DLGAP4: variants seen among roughly 807,000 people sequenced by gnomAD.
DLGAP4 encodes disks large-associated protein 4.
DLGAP4 carries 18 observed loss-of-function variants against 86.9 expected under a neutral mutation model. The observed-to-expected ratio is 0.21, with a 90% CI of 0.14 to 0.31. The LOEUF (loss-of-function observed/expected upper bound fraction) is 0.31. Ranked by LOEUF, DLGAP4 falls within the 10% of genes least tolerant of loss-of-function variation. DLGAP4 has a pLI of 1.00. For synonymous variants in DLGAP4, 548 were observed against 574.3 expected (o/e 0.95, Z 0.65); for missense variants, 1,085 against 1,362.6 (o/e 0.80, Z 3.21).
chr20:36,411,568 T>A (rs2032499946), intron 2 of DLGAP4, among the ~76,000 whole-genome samples: 1 of 152,190 alleles, frequency 6.6e-6, no homozygotes, highest in African/African-American at 2.4e-5. Flanking sequence ...CACACACCCA[T>A]CATTTCCCAC....
chr20:36,450,616 T>C (rs1280114151), intron 7 of DLGAP4, among the ~76,000 whole-genome samples: 1 of 152,198 alleles, frequency 6.6e-6, no homozygotes, highest in African/African-American at 2.4e-5. Flanking sequence ...AAAAGTCTCA[T>C]CCAATCATGA....
At chr20:36,338,556 G>A (rs2065345496) in intron 1 of DLGAP4, among the ~76,000 whole-genome samples, 2 of 152,162 alleles carry the variant, frequency 1.3e-5, no homozygotes, top group African/African-American at 4.8e-5. Flanking sequence ...TGGGCAAGAA[G>A]AGTGAAACTC....
intron 1 of DLGAP4, among the ~76,000 whole-genome samples, chr20:36,366,226 T>C (rs924535863): frequency 6.6e-6 from 1 of 152,084 alleles, no homozygotes; most frequent in Non-Finnish European, 1.5e-5. Context: ...TTCAAGCAGC[T>C]AATTTTGTAT....
At chr20:36,354,025 G>A (rs566624018) in intron 1 of DLGAP4, among the ~76,000 whole-genome samples, 3 of 152,326 alleles carry the variant, frequency 2.0e-5, no homozygotes, top group Admixed American at 2.0e-4. Flanking sequence ...GACAACTGTG[G>A]AGAACAAAAC....
intron 2 of DLGAP4, among the ~76,000 whole-genome samples, chr20:36,388,597 A>G (rs1406693972): frequency 6.6e-6 from 1 of 152,236 alleles, no homozygotes; most frequent in East Asian, 1.9e-4. Flanking sequence ...AACTTGAGTC[A>G]GACACATTGA....
chr20:36,494,842 A>G (rs1368823478), intron 7 of DLGAP4, among the ~76,000 whole-genome samples: 1 of 152,158 alleles, frequency 6.6e-6, no homozygotes, highest in Non-Finnish European at 1.5e-5. Context: ...GGCCAGGCAC[A>G]GTGGCTCACA....
chr20:36,362,046 CT>C (rs1555894263), intron 1 of DLGAP4, among the ~76,000 whole-genome samples: 1 of 150,298 alleles, frequency 6.7e-6, no homozygotes, highest in African/African-American at 2.5e-5. Context: ...AATCCCAGCA[CT>C]TTGGGAGACT....
At chr20:36,471,193 A>G (rs1022894104) in intron 7 of DLGAP4, among the ~76,000 whole-genome samples, 2 of 152,100 alleles carry the variant, frequency 1.3e-5, no homozygotes, top group African/African-American at 4.8e-5. Flanking sequence ...GCTCATTCAA[A>G]TATTTACTGA....
At chr20:36,349,285 G>T (rs2030057172) in intron 1 of DLGAP4, among the ~76,000 whole-genome samples, 1 of 151,712 alleles carries the variant, frequency 6.6e-6, no homozygotes, top group African/African-American at 2.4e-5. Flanking sequence ...AGGCGTGGTG[G>T]CAGGCGCCTG....
chr20:36,426,852 T>C (rs2032987129), intron 2 of DLGAP4, among the ~76,000 whole-genome samples: 1 of 151,978 alleles, frequency 6.6e-6, no homozygotes, highest in Non-Finnish European at 1.5e-5. Flanking sequence ...AATGACTGCT[T>C]ATTGGGGATG....
chr20:36,354,092 G>C (rs1303407996), intron 1 of DLGAP4, among the ~76,000 whole-genome samples: 1 of 152,190 alleles, frequency 6.6e-6, no homozygotes, highest in Non-Finnish European at 1.5e-5. Flanking sequence ...GTTCTGTGCC[G>C]GCCGGCCTCC....
At chr20:36,391,947 CGGCTTAA>C (rs2031796988) in intron 2 of DLGAP4, among the ~76,000 whole-genome samples, 1 of 152,214 alleles carries the variant, frequency 6.6e-6, no homozygotes, top group Admixed American at 6.5e-5. Context: ...TGAGGGGAGG[CGGCTTAA>C]GGCTTGTCCT....
At chr20:36,511,373 T>C (rs926590134) in intron 10 of DLGAP4, among the ~76,000 whole-genome samples, 7 of 151,914 alleles carry the variant, frequency 4.6e-5, no homozygotes, top group Non-Finnish European at 1.0e-4. Flanking sequence ...CAGCTAACTT[T>C]GAGATTTTTT....
intron 7 of DLGAP4, among the ~76,000 whole-genome samples, chr20:36,458,722 G>GA (rs2033947158): frequency 6.6e-6 from 1 of 151,966 alleles, no homozygotes. Context: ...AAAAGAAAAA[G>GA]AAAAAAAGAC....
chr20:36,363,369 C>T (rs1555894385), intron 1 of DLGAP4, among the ~76,000 whole-genome samples: 1 of 152,204 alleles, frequency 6.6e-6, no homozygotes, highest in Non-Finnish European at 1.5e-5. Flanking sequence ...CAGCTTTATA[C>T]TCCTTGAGCA....
At position 36,340,980 on chromosome 20, in the gene DLGAP4, C is replaced by G. The variant is rs1489725111; in HGVS notation, c.-303-26065C>G. Reference sequence around the variant, plus strand: ...CTCCCTGAGCACCTCCCACCCCTCCCCATGCTCCTCCTGGAACAAACTGGG... The same window carrying G: ...CTCCCTGAGCACCTCCCACCCCTCCGCATGCTCCTCCTGGAACAAACTGGG... On this transcript the variant is annotated intron_variant, in intron 1 of 12. Coordinates refer to ENST00000339266, the MANE Select transcript of DLGAP4 (RefSeq NM_001365621.2). Among the ~76,000 whole-genome samples, 71 of 152,236 alleles carry G rather than the reference C, an allele frequency of 4.7e-4. 1 individual carries two copies. The highest frequency in any genetic ancestry group is 7.3e-5 in the Non-Finnish European group (5 of 68,036).
chr20:36,462,020 C>T, intron 7 of DLGAP4: 1 of 985,800 alleles, frequency 1.0e-6, no homozygotes, highest in Non-Finnish European at 1.2e-6. Flanking sequence ...CTTGAGAACA[C>T]CTTCCACTCT....
intron 10 of DLGAP4, chr20:36,512,764 GAGA>G (rs1307603160): frequency 6.6e-6 from 1 of 152,012 alleles, no homozygotes; most frequent in Non-Finnish European, 1.5e-5. Context: ...GAGATCTGGG[GAGA>G]AGAACTTTTC....
At position 36,420,079 on chromosome 20, in the gene DLGAP4, A is replaced by T. The variant is rs971180395; in HGVS notation, c.-72-11567A>T. Among the ~76,000 whole-genome samples, 7 of 152,194 alleles carry T rather than the reference A, an allele frequency of 4.6e-5. No homozygotes were observed. The South Asian group carries it at 1.2e-3, about 27-fold the overall frequency. On this transcript the variant is annotated intron_variant, in intron 2 of 12. Coordinates refer to ENST00000339266, the MANE Select transcript of DLGAP4 (RefSeq NM_001365621.2). ...AGGATCACACACAGCTCTCCCCACT[A>T]GCCTGATTGGCTTGAGTGGAAAACT...
Sources: gnomAD v4.1 joint callset for allele counts (sites outside exome capture counted in the v4.1 genomes callset) on GRCh38, gnomAD v4.1.1 for gene constraint, MANE v1.5 for transcripts, NCBI Gene and HGNC (gene_info 2026-07-23, HGNC 2026-07-21) for gene names.